WDR89: variants seen among roughly 807,000 people sequenced by gnomAD.
WDR89 encodes WD repeat domain 89.
In WDR89, 17 loss-of-function variants were observed where a neutral mutation model predicts 29.1. The ratio of observed to expected loss-of-function variants is 0.58; its 90% CI spans 0.40 to 0.88. The LOEUF is 0.88. Ranked by LOEUF, WDR89 falls within the 40% of genes least tolerant of loss-of-function variation. The pLI is 0.00. For synonymous variants in WDR89, 138 were observed against 157.8 expected (o/e 0.87, Z 0.94); for missense variants, 396 against 456.3 (o/e 0.87, Z 1.20).
chr14:63,628,180 C>T (rs888273865), intron 1 of WDR89, among the ~76,000 whole-genome samples: 1 of 152,076 alleles, frequency 6.6e-6, no homozygotes, highest in Non-Finnish European at 1.5e-5. Flanking sequence ...CGAGGCTATG[C>T]GATCAATCAG....
In WDR89 at chr14:63,633,893, C is replaced by T. The variant is rs548136071; in HGVS notation, c.-138+7911G>A. Among the ~76,000 whole-genome samples the T allele has an allele frequency of 1.5e-4, 23 of 152,310 alleles. No individual in the cohort carries two copies. In the South Asian group the frequency reaches 3.5e-3, roughly 23 times the overall value. On this transcript the variant is annotated intron_variant, in intron 1 of 2. Transcript: ENST00000620954. ...GATAAAAAGAACTGAAAATCATGTA[C>T]GGTCAGTTGCAACTTCACTAAACAT...
intron 2 of WDR89, among the ~76,000 whole-genome samples, chr14:63,610,206 T>G (rs551335622): frequency 2.8e-5 from 3 of 108,110 alleles, no homozygotes; most frequent in African/African-American, 4.0e-5. Flanking sequence ...GGCGACAGAG[T>G]AAGACTCTGT....
chr14:63,608,499 T>C (rs1459924617), intron 2 of WDR89, among the ~76,000 whole-genome samples: 1 of 152,192 alleles, frequency 6.6e-6, no homozygotes, highest in Non-Finnish European at 1.5e-5. Flanking sequence ...ATTAAAAAGG[T>C]CCCCAAACTA....
chr14:63,612,915 G>T (rs969305614), intron 2 of WDR89, among the ~76,000 whole-genome samples: 2 of 152,138 alleles, frequency 1.3e-5, no homozygotes, highest in African/African-American at 4.8e-5. Flanking sequence ...GGACTTGTTG[G>T]AATGGGATTT....
At position 63,641,803 on chromosome 14, in the gene WDR89, C is replaced by A. The variant is rs920104354; in HGVS notation, c.-138+1G>T. Reference sequence around the variant, plus strand: ...GCCCAGCCTGGCCCAGCAAAATGTACCTTAGTAGCCTCAACCTGTACCGGA... The same window carrying A: ...GCCCAGCCTGGCCCAGCAAAATGTAACTTAGTAGCCTCAACCTGTACCGGA... On this transcript the variant is annotated splice_donor_variant, in intron 1 of 2. Transcript: ENST00000620954. LOFTEE classifies it low-confidence loss of function (5UTR_SPLICE). 1 of 152,482 alleles carries A rather than the reference C, an allele frequency of 6.6e-6. No individual in the cohort carries two copies. Among genetic ancestry groups the A allele is most frequent in the Admixed American group, 6.5e-5 (1 of 15,292 alleles). 9.4% of individuals were successfully genotyped at this position (152,482 alleles called of 1,614,324 possible).
rs564061311 is a variant in WDR89, at chr14:63,635,429, C to G, written c.-138+6375G>C. On this transcript the variant is annotated intron_variant, in intron 1 of 2. Coordinates refer to ENST00000620954, the MANE Select transcript of WDR89 (RefSeq NM_080666.4). ...AAAAGCATTTGACAAAATCCAGCAT[C>G]CCTTTATGATTAAAACTCTCAGCAA... 2.0e-5 allele frequency among the ~76,000 whole-genome samples: 3 copies of G among 152,276 alleles called. No homozygotes were observed. The South Asian group carries it at 6.2e-4, about 32-fold the overall frequency.
intron 2 of WDR89, among the ~76,000 whole-genome samples, chr14:63,612,757 C>G (rs925358440): frequency 2.6e-5 from 4 of 152,024 alleles, no homozygotes; most frequent in Non-Finnish European, 5.9e-5. Context: ...GGTAGGCAAC[C>G]TCAAAAAATC....
intron 1 of WDR89, among the ~76,000 whole-genome samples, chr14:63,627,128 A>G (rs1286148742): frequency 8.9e-6 from 1 of 112,436 alleles, no homozygotes; most frequent in Non-Finnish European, 1.7e-5. Context: ...CTCTAAACAC[A>G]CACACACACA....
intron 2 of WDR89, among the ~76,000 whole-genome samples, chr14:63,602,664 C>T (rs12881318): frequency 1.3e-5 from 2 of 150,468 alleles, no homozygotes; most frequent in East Asian, 2.0e-4. Context: ...CCCAGCTACT[C>T]GGGAGGCTGA....
chr14:63,630,896 C>T (rs1008502004), intron 1 of WDR89: 1 of 152,044 alleles, frequency 6.6e-6, no homozygotes, highest in African/African-American at 2.4e-5. Flanking sequence ...CCACCCCAGC[C>T]TCCTGAGTAC....
At chr14:63,629,784 C>T (rs1883282699) in intron 1 of WDR89, among the ~76,000 whole-genome samples, 1 of 152,072 alleles carries the variant, frequency 6.6e-6, no homozygotes, top group African/African-American at 2.4e-5. Context: ...TATTTCTTCT[C>T]ACAGAACCAA....
intron 1 of WDR89, among the ~76,000 whole-genome samples, chr14:63,638,520 C>T (rs1595043168): frequency 6.6e-6 from 1 of 152,154 alleles, no homozygotes; most frequent in Non-Finnish European, 1.5e-5. Context: ...ACAGCATCAA[C>T]CATGAACATA....
At chr14:63,614,626 T>C (rs142574955) in intron 2 of WDR89, among the ~76,000 whole-genome samples, 82 of 152,286 alleles carry the variant, frequency 5.4e-4, no homozygotes, top group African/African-American at 1.9e-3. Context: ...GAGGAAACAA[T>C]ACCTTGGGAT....
chr14:63,612,230 A>C (rs548456892), intron 2 of WDR89, among the ~76,000 whole-genome samples: 1 of 152,204 alleles, frequency 6.6e-6, no homozygotes, highest in East Asian at 1.9e-4. Context: ...CTTCATAATA[A>C]ACTGGAAATT....
intron 1 of WDR89, among the ~76,000 whole-genome samples, chr14:63,636,178 AAAAG>A (rs2139578939): frequency 6.6e-6 from 1 of 152,274 alleles, no homozygotes; most frequent in African/African-American, 2.4e-5. Flanking sequence ...TCTATCTCAA[AAAAG>A]AAAGAAGAAA....
intron 2 of WDR89, among the ~76,000 whole-genome samples, chr14:63,604,350 T>C (rs953011491): frequency 7.3e-5 from 11 of 151,652 alleles, no homozygotes; most frequent in African/African-American, 2.4e-4. Flanking sequence ...GAGGTGGAGG[T>C]TGCAATGAGC....
rs1190587338 is a variant in WDR89, at chr14:63,598,619, T to C, written c.*160A>G. The C allele has an allele frequency of 4.4e-5, 25 of 568,028 alleles. No homozygotes were observed. The highest frequency in any genetic ancestry group is 1.4e-5 in the Non-Finnish European group (5 of 368,552). 35.2% of individuals were successfully genotyped at this position (568,028 alleles called of 1,614,324 possible). A position where few individuals can be genotyped will look rare whatever the true frequency, so the allele number is the denominator to read the frequency against. ...AGAGGCTTTAAAATTTTTTAGAATA[T>C]GTGAAGACCGGAATTAAACCATTCT... is the stretch of plus-strand genomic sequence containing the variant. On this transcript the variant is annotated 3_prime_UTR_variant, in exon 3 of 3. Transcript: ENST00000620954.
chr14:63,602,843 G>A (rs1333424030), intron 2 of WDR89, among the ~76,000 whole-genome samples: 4 of 151,650 alleles, frequency 2.6e-5, no homozygotes, highest in African/African-American at 9.7e-5. Context: ...GGATCTATCA[G>A]AGAGCTCCAA....
intron 2 of WDR89, among the ~76,000 whole-genome samples, chr14:63,603,396 A>G (rs1366740651): frequency 6.6e-6 from 1 of 152,172 alleles, no homozygotes; most frequent in Non-Finnish European, 1.5e-5. Flanking sequence ...TCTGTTTTTC[A>G]TGTCATGGAA....
Sources: allele counts gnomAD v4.1 joint callset (sites outside exome capture counted in the v4.1 genomes callset), GRCh38; gene constraint gnomAD v4.1.1; transcripts MANE v1.5; gene names NCBI Gene and HGNC (gene_info 2026-07-23, HGNC 2026-07-21).